Variants in KAZN observed in about 807,000 individuals in gnomAD.
KAZN encodes the protein kazrin, periplakin interacting protein, also known as kazrin.
Under a neutral mutation model 87.4 loss-of-function variants are expected in KAZN, and 40 were observed. The observed-to-expected ratio is 0.46, with a 90% confidence interval of 0.36 to 0.60. KAZN has a LOEUF of 0.60. Among genes scored for constraint, KAZN ranks in the 20% least tolerant of loss-of-function variants. The pLI is 0.00. For missense variants in KAZN, 898 were observed against 1,073.9 expected (o/e 0.84, Z 2.29); for synonymous variants, 466 against 458.3 (o/e 1.02, Z -0.22).
chr1:13,988,386 C>A (rs1465162736), intron 1 of KAZN, among the ~76,000 whole-genome samples: 1 of 152,102 alleles, frequency 6.6e-6, no homozygotes, highest in African/African-American at 2.4e-5. Context: ...AATTTTATAT[C>A]TTGTCCAAGT....
chr1:14,740,303 C>T (rs370904926), intron 1 of KAZN, among the ~76,000 whole-genome samples: 26 of 152,138 alleles, frequency 1.7e-4, no homozygotes, highest in African/African-American at 5.3e-4. Flanking sequence ...CTGGGCAGGA[C>T]GCCTCTAAAC....
At chr1:14,650,010 G>A (rs1478593745) in intron 1 of KAZN, among the ~76,000 whole-genome samples, 1 of 145,446 alleles carries the variant, frequency 6.9e-6, no homozygotes, top group Non-Finnish European at 1.5e-5. Flanking sequence ...GTGGGTGCTG[G>A]TATCTTTCCC....
intron 2 of KAZN, among the ~76,000 whole-genome samples, chr1:14,501,433 A>G (rs923869400): frequency 3.9e-5 from 6 of 152,238 alleles, no homozygotes; most frequent in Non-Finnish European, 8.8e-5. Context: ...TACAAGATCA[A>G]TCTTGTATCT....
At chr1:14,383,064 G>A (rs1287288630) in intron 2 of KAZN, among the ~76,000 whole-genome samples, 3 of 151,402 alleles carry the variant, frequency 2.0e-5, no homozygotes, top group Non-Finnish European at 4.4e-5. Context: ...TTTCTCTGAT[G>A]GCCAGTGATG....
At chr1:14,120,689 A>G (rs1644733888) in intron 1 of KAZN, among the ~76,000 whole-genome samples, 1 of 152,042 alleles carries the variant, frequency 6.6e-6, no homozygotes, top group Non-Finnish European at 1.5e-5. Flanking sequence ...TTTGGAGGGG[A>G]TTGGCAGTGT....
At chr1:13,959,906 A>G (rs1237589689) in intron 1 of KAZN, among the ~76,000 whole-genome samples, 3 of 152,146 alleles carry the variant, frequency 2.0e-5, no homozygotes, top group African/African-American at 7.2e-5. Flanking sequence ...TCATTGTCGA[A>G]GGACTATAAT....
At chr1:14,436,728 A>AAAAAAAAAAAAAAAAAAAAAAAAC (rs1553172253) in intron 2 of KAZN, among the ~76,000 whole-genome samples, 1 of 29,338 alleles carries the variant, frequency 3.4e-5, no homozygotes, top group African/African-American at 1.8e-4. Context: ...AAAAAAAAAA[A>AAAAAAAAAAAAAAAAAAAAAAAAC]AAAAAAAAAA....
At chr1:15,046,499 TG>T (rs1033577258) in intron 4 of KAZN, among the ~76,000 whole-genome samples, 12 of 152,098 alleles carry the variant, frequency 7.9e-5, no homozygotes, top group African/African-American at 2.9e-4. Flanking sequence ...CACGCACCCA[TG>T]CCGTCCAAAC....
Position 14,837,349 on chromosome 1 carries a change from G to A in KAZN, c.227-123335G>A, listed in dbSNP as rs559503369. On this transcript the variant is annotated intron_variant, in intron 1 of 14. Transcript: ENST00000376030. The stretch of plus-strand genomic sequence containing the variant: ...CGAGTAGCTGGGATTACAGGCAGGC[G>A]CCACCATGCCCTGCTAATTTTGTAT... Among the ~76,000 whole-genome samples, 59 of 151,834 alleles carry A rather than the reference G, an allele frequency of 3.9e-4. 1 individual carries two copies. Among genetic ancestry groups the A allele is most frequent in the African/African-American group, 1.4e-3 (58 of 41,412 alleles).
At chr1:15,024,816 G>A (rs779950928) in intron 2 of KAZN, among the ~76,000 whole-genome samples, 11 of 152,184 alleles carry the variant, frequency 7.2e-5, no homozygotes, top group Non-Finnish European at 1.5e-4. Flanking sequence ...TTCCTGGCTG[G>A]GATGTGGACA....
chr1:15,061,608 C>T (rs1458141391), intron 6 of KAZN: 1 of 152,196 alleles, frequency 6.6e-6, no homozygotes, highest in Non-Finnish European at 1.5e-5. Context: ...CAACCAACAC[C>T]TTCCAGGCTC....
At chr1:14,437,209 C>A (rs944149706) in intron 2 of KAZN, among the ~76,000 whole-genome samples, 3 of 152,166 alleles carry the variant, frequency 2.0e-5, no homozygotes, top group Non-Finnish European at 4.4e-5. Context: ...GAGAACCACT[C>A]CCCTCATTTC....
intron 2 of KAZN, among the ~76,000 whole-genome samples, chr1:14,231,775 A>G (rs571752391): frequency 6.6e-6 from 1 of 152,336 alleles, no homozygotes; most frequent in South Asian, 2.1e-4. Flanking sequence ...ATAATAGATA[A>G]TTCTCCAAAT....
intron 2 of KAZN, among the ~76,000 whole-genome samples, chr1:14,584,944 G>A (rs1232436697): frequency 6.6e-6 from 1 of 152,156 alleles, no homozygotes; most frequent in Admixed American, 6.5e-5. Context: ...GGACTGGCCT[G>A]AAGATAGGGT....
chr1:14,381,389 G>A (rs1661358456), intron 2 of KAZN, among the ~76,000 whole-genome samples: 1 of 151,948 alleles, frequency 6.6e-6, no homozygotes, highest in Non-Finnish European at 1.5e-5. Context: ...AAAATTGTAG[G>A]CCAATATCAC....
At chr1:14,313,214 C>T (rs1655425415) in intron 2 of KAZN, among the ~76,000 whole-genome samples, 1 of 152,086 alleles carries the variant, frequency 6.6e-6, no homozygotes. Context: ...ATGGTCCCCA[C>T]ACCTCTCCAC....
In KAZN at chr1:14,209,579, A is replaced by G. The variant is rs185828075; in HGVS notation, c.249+28987A>G. On this transcript the variant is annotated intron_variant, in intron 2 of 16. Transcript: ENST00000636203. ...AAGGCATAAAAACACCAGTTTAAAT[A>G]ATCAAGGGAGTAGTGTAGATAACTA... 4.7e-4 allele frequency among the ~76,000 whole-genome samples: 71 copies of G among 152,340 alleles called. No homozygotes were observed. The South Asian group carries it at 0.014, about 30-fold the overall frequency.
chr1:14,981,319 A>T (rs1557683042), intron 2 of KAZN, among the ~76,000 whole-genome samples: 1 of 152,244 alleles, frequency 6.6e-6, no homozygotes, highest in Non-Finnish European at 1.5e-5. Context: ...AGTTCTGTGC[A>T]TTAAAGACCT....
At chr1:14,040,803 A>ATAAAATTAAATTAAATTAAAT (rs1553119539) in intron 1 of KAZN, among the ~76,000 whole-genome samples, 14,192 of 150,330 alleles carry the variant, frequency 0.094, 914 homozygotes, top group Middle Eastern at 0.19. Context: ...TTAAATTAAA[A>ATAAAATTAAATTAAATTAAAT]TAAAATAAAA....
Sources: gnomAD v4.1 joint callset for allele counts (sites outside exome capture counted in the v4.1 genomes callset) on GRCh38, gnomAD v4.1.1 for gene constraint, MANE v1.5 for transcripts, NCBI Gene and HGNC (gene_info 2026-07-23, HGNC 2026-07-21) for gene names.